The following NPAS3 variants were observed in gnomAD, a reference collection of about 807,000 sequenced individuals.
NPAS3 encodes the protein neuronal PAS domain protein 3.
In NPAS3, 14 loss-of-function variants were observed where a neutral mutation model predicts 73.1. The ratio of observed to expected loss-of-function variants is 0.19; its 90% CI spans 0.13 to 0.30. The LOEUF (loss-of-function observed/expected upper bound fraction) is 0.30, where lower values mean the gene tolerates loss of function less well. Among genes scored for constraint, NPAS3 ranks in the 10% least tolerant of loss-of-function variants. NPAS3 has a pLI of 1.00. For synonymous variants in NPAS3, 620 were observed against 541.5 expected (o/e 1.14, Z -2.01); for missense variants, 1,096 against 1,250.0 (o/e 0.88, Z 1.86).
chr14:33,261,824 T>G (rs243301), intron 3 of NPAS3, among the ~76,000 whole-genome samples: 84,167 of 151,936 alleles, frequency 0.55, 23,703 homozygotes, highest in Admixed American at 0.68. Context: ...TAAAGCAATG[T>G]GAGGAAATAG....
At chr14:33,159,911 C>T (rs913876974) in intron 2 of NPAS3, among the ~76,000 whole-genome samples, 2 of 152,104 alleles carry the variant, frequency 1.3e-5, no homozygotes, top group African/African-American at 4.8e-5. Context: ...AAATTTTTTA[C>T]ATATAGAATA....
intron 10 of NPAS3, among the ~76,000 whole-genome samples, chr14:33,796,337 A>G (rs2063512702): frequency 6.6e-6 from 1 of 152,176 alleles, no homozygotes; most frequent in Admixed American, 6.5e-5. Context: ...TCAGAGACAG[A>G]GTCCACCTTC....
chr14:33,030,654 A>C (rs552559413), intron 1 of NPAS3, among the ~76,000 whole-genome samples: 1 of 152,226 alleles, frequency 6.6e-6, no homozygotes, highest in East Asian at 1.9e-4. Context: ...ACAACAAGAT[A>C]CTCATATGCA....
chr14:33,467,925 C>A (rs2139571607), intron 4 of NPAS3, among the ~76,000 whole-genome samples: 1 of 152,200 alleles, frequency 6.6e-6, no homozygotes, highest in African/African-American at 2.4e-5. Flanking sequence ...TGAACTAGAC[C>A]AGAGATGGAT....
intron 6 of NPAS3, among the ~76,000 whole-genome samples, chr14:33,720,066 CAATAAT>C (rs1397129066): frequency 1.3e-5 from 2 of 151,980 alleles, no homozygotes. Context: ...ATAGTCATTA[CAATAAT>C]AATATTGTTA....
intron 6 of NPAS3, among the ~76,000 whole-genome samples, chr14:33,684,012 C>A (rs1414626567): frequency 6.6e-6 from 1 of 152,132 alleles, no homozygotes; most frequent in Non-Finnish European, 1.5e-5. Flanking sequence ...CTAAGTGGCT[C>A]ACCCCAAGCT....
intron 4 of NPAS3, among the ~76,000 whole-genome samples, chr14:33,369,570 T>G (rs552880740): frequency 6.6e-6 from 1 of 152,096 alleles, no homozygotes; most frequent in Non-Finnish European, 1.5e-5. Flanking sequence ...CTGTAGACTT[T>G]CAGGAGAAAT....
intron 6 of NPAS3, among the ~76,000 whole-genome samples, chr14:33,714,682 G>C (rs1212932670): frequency 6.6e-6 from 1 of 152,044 alleles, no homozygotes; most frequent in East Asian, 1.9e-4. Context: ...ATTTATCCTG[G>C]AGTCATGAAA....
intron 9 of NPAS3, among the ~76,000 whole-genome samples, 193 bp downstream of exon 9, chr14:33,778,765 G>A (rs188325382): frequency 6.6e-6 from 1 of 152,310 alleles, no homozygotes; most frequent in African/African-American, 2.4e-5. Flanking sequence ...TGGACCTCAG[G>A]CCTAGAGAAA....
intron 3 of NPAS3, among the ~76,000 whole-genome samples, chr14:33,285,115 A>C (rs773710520): frequency 6.6e-6 from 1 of 152,200 alleles, no homozygotes; most frequent in Non-Finnish European, 1.5e-5. Flanking sequence ...GAAAATGAGA[A>C]CATACTTTAA....
intron 4 of NPAS3, among the ~76,000 whole-genome samples, chr14:33,514,437 A>G (rs1008800526): frequency 5.9e-5 from 9 of 152,154 alleles, no homozygotes; most frequent in African/African-American, 1.9e-4. Flanking sequence ...ATTTGGATAT[A>G]TAACCTTTAC....
chr14:33,114,615 T>C (rs17460550), intron 2 of NPAS3, among the ~76,000 whole-genome samples: 22,880 of 152,102 alleles, frequency 0.15, 2,009 homozygotes, highest in Non-Finnish European at 0.21. Flanking sequence ...ATGAGAACAA[T>C]CCTCTCTGTC....
At position 33,544,845 on chromosome 14, in the gene NPAS3, T is replaced by A. The variant is rs868821383; in HGVS notation, c.469-15276T>A. On this transcript the variant is annotated intron_variant, in intron 4 of 11. Transcript: ENST00000356141. Reference sequence around the variant, plus strand: ...AATATATATGTGTATATATATATTATATATATGTGTATATATAATATATAT... The same window carrying A: ...AATATATATGTGTATATATATATTAAATATATGTGTATATATAATATATAT... Among the ~76,000 whole-genome samples the A allele has an allele frequency of 5.7e-3, 738 of 129,600 alleles. 17 individuals are homozygous for A. Among genetic ancestry groups the A allele is most frequent in the Middle Eastern group, 0.033 (8 of 242 alleles). The allele number at this position is 129,600 out of a possible 152,430, so 85.0% of individuals were successfully genotyped here.
chr14:33,004,554 G>T (rs969300534), intron 1 of NPAS3, among the ~76,000 whole-genome samples: 1 of 152,020 alleles, frequency 6.6e-6, no homozygotes, highest in South Asian at 2.1e-4. Context: ...GAATGTGAAG[G>T]CCTAGGGCAT....
chr14:33,684,848 G>A (rs946777025), intron 6 of NPAS3, among the ~76,000 whole-genome samples: 2 of 152,186 alleles, frequency 1.3e-5, no homozygotes, highest in Non-Finnish European at 2.9e-5. Context: ...CAAGGCAGGT[G>A]TGAGATGAAA....
At chr14:33,587,510 A>G (rs1251419037) in intron 5 of NPAS3, among the ~76,000 whole-genome samples, 1 of 152,198 alleles carries the variant, frequency 6.6e-6, no homozygotes, top group Non-Finnish European at 1.5e-5. Context: ...AGTGGAATCT[A>G]CTTCACAGAA....
chr14:33,044,771 C>T (rs755345861), intron 1 of NPAS3, among the ~76,000 whole-genome samples: 20 of 151,522 alleles, frequency 1.3e-4, no homozygotes, highest in East Asian at 3.9e-4. Context: ...AGGGTACATG[C>T]GCCTTGGGAA....
chr14:33,521,350 T>C (rs1475133769), intron 4 of NPAS3, among the ~76,000 whole-genome samples: 1 of 152,088 alleles, frequency 6.6e-6, no homozygotes, highest in Admixed American at 6.6e-5. Flanking sequence ...ATCAGTTCTG[T>C]TTCTACAAAG....
chr14:32,958,851 C>T (rs2036788056), intron 1 of NPAS3, among the ~76,000 whole-genome samples: 1 of 152,114 alleles, frequency 6.6e-6, no homozygotes, highest in Non-Finnish European at 1.5e-5. Context: ...GAAGTAGCCC[C>T]AGAACAGGCT....
Sources: allele counts gnomAD v4.1 joint callset (sites outside exome capture counted in the v4.1 genomes callset), GRCh38; gene constraint gnomAD v4.1.1; transcripts MANE v1.5; gene names NCBI Gene and HGNC (gene_info 2026-07-23, HGNC 2026-07-21).